The following DLGAP4 variants were observed in gnomAD, a reference collection of about 807,000 sequenced individuals.
DLGAP4 encodes the protein disks large-associated protein 4.
Under a neutral mutation model 86.9 loss-of-function variants are expected in DLGAP4, and 18 were observed. The ratio of observed to expected loss-of-function variants is 0.21; its 90% CI spans 0.14 to 0.31. The LOEUF is 0.31. Among genes scored for constraint, DLGAP4 ranks in the 10% least tolerant of loss-of-function variants. DLGAP4 has a pLI of 1.00. For synonymous variants in DLGAP4, 548 were observed against 574.3 expected (o/e 0.95, Z 0.65); for missense variants, 1,085 against 1,362.6 (o/e 0.80, Z 3.21).
chr20:36,328,910 C>T (rs1197469906), intron 1 of DLGAP4, among the ~76,000 whole-genome samples: 3 of 152,008 alleles, frequency 2.0e-5, no homozygotes, highest in Non-Finnish European at 2.9e-5. Flanking sequence ...TGAGTAGCTG[C>T]GACTACAGGC....
intron 10 of DLGAP4, among the ~76,000 whole-genome samples, chr20:36,522,822 G>A (rs968636148): frequency 2.6e-5 from 4 of 152,130 alleles, no homozygotes; most frequent in African/African-American, 7.2e-5. Context: ...TAAGGGGGTT[G>A]GGGATGGGTG....
At chr20:36,410,595 C>T (rs1330518927) in intron 2 of DLGAP4, among the ~76,000 whole-genome samples, 2 of 152,176 alleles carry the variant, frequency 1.3e-5, no homozygotes, top group African/African-American at 4.8e-5. Flanking sequence ...CCAATCATGG[C>T]TGAAGGTGAA....
chr20:36,500,173 C>A lies in DLGAP4; in HGVS notation c.2100-26C>A. On this transcript the variant is annotated intron_variant, in intron 9 of 12. Coordinates refer to ENST00000339266, the MANE Select transcript of DLGAP4 (RefSeq NM_001365621.2). The surrounding 1 kb of genome is among the most constrained non-coding windows in gnomAD (Gnocchi z 4.6). ...CTTGGTGACTCACTCCTTCCTGTCC[C>A]CACCCCATCCACCCCCTACCCACAG... 6.6e-7 allele frequency: 1 copy of A among 1,515,180 alleles called. No homozygotes were observed. Among genetic ancestry groups the A allele is most frequent in the Non-Finnish European group, 8.9e-7 (1 of 1,129,922 alleles). 93.9% of individuals were successfully genotyped at this position (1,515,180 alleles called of 1,614,324 possible). A position where few individuals can be genotyped will look rare whatever the true frequency, so the allele number is the denominator to read the frequency against.
Position 36,496,696 on chromosome 20 carries a change from C to G in DLGAP4, c.1649-9C>G. The G allele has an allele frequency of 6.3e-7, 1 of 1,594,002 alleles. No individual in the cohort carries two copies. The highest frequency in any genetic ancestry group is 2.3e-5 in the East Asian group (1 of 44,428). On this transcript the variant is annotated splice_polypyrimidine_tract_variant and intron_variant, in intron 7 of 12. Transcript: ENST00000339266. ...ACCTCTCCCCTGCCCTTCTCTCATC[C>G]ATCTGCAGGTTCATCATGCCTAGTG...
rs982874995 is a variant in DLGAP4, at chr20:36,350,184, C to T, written c.-303-16861C>T. Among the ~76,000 whole-genome samples, 1 of 152,222 alleles carries T rather than the reference C, an allele frequency of 6.6e-6. No individual in the cohort carries two copies. On this transcript the variant is annotated intron_variant, in intron 1 of 12. Coordinates refer to ENST00000339266, the MANE Select transcript of DLGAP4 (RefSeq NM_001365621.2). This position sits in a 1 kb window ranked among gnomAD's most constrained non-coding sequence, Gnocchi z 4.4. ...ACCCAGAAGGCTGGCGGGTGCCAAG[C>T]CTGGATCGTCCCCCGAGCTCAGCTT...
At chr20:36,524,817 G>T (rs1462768107) in intron 11 of DLGAP4, among the ~76,000 whole-genome samples, 1 of 151,936 alleles carries the variant, frequency 6.6e-6, no homozygotes, top group African/African-American at 2.4e-5. Context: ...CAGGAGAATC[G>T]CCTGAACCCG....
At chr20:36,521,900 T>C (rs1053071525) in intron 10 of DLGAP4, among the ~76,000 whole-genome samples, 3 of 152,230 alleles carry the variant, frequency 2.0e-5, no homozygotes, top group Admixed American at 2.0e-4. Flanking sequence ...AGTTCCCTTT[T>C]AATTACTAAT....
chr20:36,441,689 A>G (rs1232714156), intron 5 of DLGAP4, among the ~76,000 whole-genome samples: 1 of 151,392 alleles, frequency 6.6e-6, no homozygotes, highest in Non-Finnish European at 1.5e-5. Flanking sequence ...CCATCCCACC[A>G]CGTTTTCTCG....
At chr20:36,524,863 C>CT (rs1486765324) in intron 11 of DLGAP4, among the ~76,000 whole-genome samples, 4 of 151,696 alleles carry the variant, frequency 2.6e-5, no homozygotes, top group African/African-American at 2.4e-5. Flanking sequence ...GATCGTGCCA[C>CT]TGCACTCCAG....
At chr20:36,499,051 G>C (rs1184935285) in intron 8 of DLGAP4, 1 of 590,232 alleles carries the variant, frequency 1.7e-6, no homozygotes, top group African/African-American at 1.9e-5. Context: ...TGCCGTCCAG[G>C]GTTTGCCCTT....
intron 7 of DLGAP4, chr20:36,465,386 GC>G (rs2034304097): frequency 6.6e-6 from 1 of 152,196 alleles, no homozygotes; most frequent in Non-Finnish European, 1.5e-5. Context: ...AAAATAGGGG[GC>G]CCAGAGAGAG....
At chr20:36,464,058 G>C (rs767453620) in intron 7 of DLGAP4, among the ~76,000 whole-genome samples, 5 of 152,164 alleles carry the variant, frequency 3.3e-5, no homozygotes, top group African/African-American at 4.8e-5. Flanking sequence ...CCTTTTTACT[G>C]TGTACGCTGT....
intron 6 of DLGAP4, among the ~76,000 whole-genome samples, chr20:36,443,574 T>C (rs548607438): frequency 6.6e-6 from 1 of 152,124 alleles, no homozygotes; most frequent in Non-Finnish European, 1.5e-5. Flanking sequence ...GAACACATGA[T>C]TCAAGAAGTT....
chr20:36,463,990 C>G (rs1364320272), intron 7 of DLGAP4, among the ~76,000 whole-genome samples: 2 of 152,220 alleles, frequency 1.3e-5, no homozygotes, highest in African/African-American at 2.4e-5. Flanking sequence ...GAAGAAGTCA[C>G]TGTCATGCTG....
chr20:36,510,322 G>A (rs1210683070), intron 10 of DLGAP4, among the ~76,000 whole-genome samples: 1 of 147,554 alleles, frequency 6.8e-6, no homozygotes, highest in Non-Finnish European at 1.5e-5. Context: ...GAAGTGCAGT[G>A]GCATGATCTC....
chr20:36,510,806 C>G (rs2036651666), intron 10 of DLGAP4: 1 of 152,206 alleles, frequency 6.6e-6, no homozygotes, highest in Non-Finnish European at 1.5e-5. Context: ...ATCCACCCAC[C>G]TCGGCCTCCC....
chr20:36,464,832 A>G (rs2034267640), intron 7 of DLGAP4, among the ~76,000 whole-genome samples: 1 of 152,170 alleles, frequency 6.6e-6, no homozygotes, highest in South Asian at 2.1e-4. Context: ...CATGGGTGAC[A>G]AAAGCAAAAC....
chr20:36,485,043 T>G (rs76675485), intron 7 of DLGAP4, among the ~76,000 whole-genome samples: 6,765 of 152,240 alleles, frequency 0.044, 533 homozygotes, highest in African/African-American at 0.16. Context: ...TAAGAGTAAT[T>G]AGGATATCCA....
At chr20:36,523,417 T>C (rs2037502935) in intron 10 of DLGAP4, among the ~76,000 whole-genome samples, 1 of 152,262 alleles carries the variant, frequency 6.6e-6, no homozygotes, top group Non-Finnish European at 1.5e-5. Context: ...TATTTGCTTA[T>C]ACTTTAAGAC....
Sources: allele counts gnomAD v4.1 joint callset (sites outside exome capture counted in the v4.1 genomes callset), GRCh38; gene constraint gnomAD v4.1.1; non-coding constraint Gnocchi (gnomAD v3.1); transcripts MANE v1.5; gene names NCBI Gene and HGNC (gene_info 2026-07-23, HGNC 2026-07-21).